CEP170: variants seen among roughly 807,000 people sequenced by gnomAD.
CEP170 encodes the protein centrosomal protein of 170 kDa.
CEP170 carries 21 observed loss-of-function variants against 151.9 expected under a neutral mutation model. That is an observed-to-expected ratio of 0.14 (90% CI 0.10 to 0.20). The LOEUF (loss-of-function observed/expected upper bound fraction) is 0.20, where lower values mean the gene tolerates loss of function less well. Among genes scored for constraint, CEP170 ranks in the 10% least tolerant of loss-of-function variants. The pLI, the probability that CEP170 is intolerant of heterozygous loss-of-function variation, is 1.00. For missense variants in CEP170, 964 were observed against 1,892.9 expected (o/e 0.51, Z 9.11); for synonymous variants, 356 against 648.8 (o/e 0.55, Z 6.86).
At chr1:243,147,353 T>G (rs1325724223) in intron 14 of CEP170, among the ~76,000 whole-genome samples, 1 of 152,264 alleles carries the variant, frequency 6.6e-6, no homozygotes, top group Non-Finnish European at 1.5e-5. Context: ...GATATCTTCT[T>G]TCTTTTTTAT....
intron 1 of CEP170, among the ~76,000 whole-genome samples, chr1:243,232,019 A>C (rs1275957635): frequency 6.6e-6 from 1 of 151,882 alleles, no homozygotes; most frequent in Non-Finnish European, 1.5e-5. Flanking sequence ...GCAGGAGTTC[A>C]GTGGCAAGAT....
At chr1:243,252,943 A>G (rs751259956) in intron 1 of CEP170, among the ~76,000 whole-genome samples, 5 of 152,224 alleles carry the variant, frequency 3.3e-5, no homozygotes, top group Non-Finnish European at 7.4e-5. Context: ...AAAAGTAATC[A>G]CTAATAACTC....
chr1:243,231,080 T>C (rs2063700065), intron 1 of CEP170, among the ~76,000 whole-genome samples: 1 of 137,418 alleles, frequency 7.3e-6, no homozygotes, highest in Non-Finnish European at 1.6e-5. Context: ...AGCAGTGGGA[T>C]AGCAGTGGGA....
intron 1 of CEP170, among the ~76,000 whole-genome samples, chr1:243,248,152 A>T (rs2065599022): frequency 6.6e-6 from 1 of 152,244 alleles, no homozygotes; most frequent in South Asian, 2.1e-4. Context: ...CAGATTTAAA[A>T]AAGGAAATTG....
chr1:243,199,044 A>AC lies in CEP170; in HGVS notation c.631+15dup, dbSNP rs1264753718. The AC allele has an allele frequency of 3.8e-6, 6 of 1,566,476 alleles. No homozygotes were observed. In the Admixed American group the frequency reaches 5.1e-5, roughly 13 times the overall value. ...AAAATATCCACTTAATGTCACAGTGACTGAGATTTTTTTACCTGATGTTCC... is the reference window on the plus strand; with the variant it reads ...AAAATATCCACTTAATGTCACAGTGACCTGAGATTTTTTTACCTGATGTTCC... On this transcript the variant is annotated intron_variant, in intron 7 of 19. Transcript: ENST00000366542.
At position 243,200,882 on chromosome 1, in the gene CEP170, A is replaced by T. The variant is rs772053019; in HGVS notation, c.275-47T>A. ...TATAACCTCAAATTTCTGATAATTG[A>T]GCTAAAAATCGTCATCAAATGTAAT... is the stretch of plus-strand genomic sequence containing the variant. On this transcript the variant is annotated intron_variant, in intron 4 of 19. Coordinates refer to ENST00000366542, the MANE Select transcript of CEP170 (RefSeq NM_014812.3). 19 of 1,576,494 alleles carry T rather than the reference A, an allele frequency of 1.2e-5. No homozygotes were observed. In the South Asian group the frequency reaches 2.1e-4, roughly 18 times the overall value.
chr1:243,223,560 C>G (rs749450895), intron 2 of CEP170, among the ~76,000 whole-genome samples: 1 of 152,222 alleles, frequency 6.6e-6, no homozygotes, highest in African/African-American at 2.4e-5. Context: ...CGCCCTCCAA[C>G]TGCTTATGGT....
chr1:243,246,727 T>C (rs1318404723), intron 1 of CEP170, among the ~76,000 whole-genome samples: 3 of 152,162 alleles, frequency 2.0e-5, no homozygotes, highest in Non-Finnish European at 4.4e-5. Flanking sequence ...ATTATGATAG[T>C]ACTTAATGGT....
chr1:243,199,305 A>C, intron 6 of CEP170, 111 bp from the exon 7 acceptor site: 1 of 1,108,690 alleles, frequency 9.0e-7, no homozygotes, highest in Non-Finnish European at 1.3e-6. Flanking sequence ...AGCAAAGTAT[A>C]GTCTTGATAG....
Position 243,237,812 on chromosome 1 carries a change from G to A in CEP170, c.-41-12491C>T, listed in dbSNP as rs900225379. ...CCTAGCTACTGGGGGTGGTGAGGCA[G>A]GAGAATTGCTTGAGCCTGGCAGGTG... On this transcript the variant is annotated intron_variant, in intron 1 of 19. Transcript: ENST00000366542. Among the ~76,000 whole-genome samples, 6 of 152,168 alleles carry A rather than the reference G, an allele frequency of 3.9e-5. No homozygotes were observed. In the East Asian group the frequency reaches 1.2e-3, roughly 29 times the overall value.
At chr1:243,248,547 T>G (rs2149184928) in intron 1 of CEP170, among the ~76,000 whole-genome samples, 1 of 152,310 alleles carries the variant, frequency 6.6e-6, no homozygotes, top group South Asian at 2.1e-4. Context: ...ATGTGTCCAC[T>G]TGGGCGTTTA....
chr1:243,219,961 A>C (rs2062640907), intron 3 of CEP170, among the ~76,000 whole-genome samples: 1 of 152,352 alleles, frequency 6.6e-6, no homozygotes, highest in African/African-American at 2.4e-5. Flanking sequence ...ACAAAGGCTT[A>C]TGTGTGGAGA....
intron 1 of CEP170, among the ~76,000 whole-genome samples, chr1:243,251,644 T>G (rs1224783268): frequency 6.6e-6 from 1 of 152,186 alleles, no homozygotes; most frequent in Non-Finnish European, 1.5e-5. Context: ...GGTAATATTT[T>G]CTATATCATT....
At chr1:243,221,695 A>G (rs768202608) in intron 3 of CEP170, 29 bp downstream of exon 3, 3 of 1,575,972 alleles carry the variant, frequency 1.9e-6, no homozygotes, top group Non-Finnish European at 2.6e-6. Flanking sequence ...AAATGTTCAA[A>G]CAAGACAAAA....
At position 243,125,182 on chromosome 1, in the gene CEP170, T is replaced by C. The variant is rs1299343845; in HGVS notation, c.*1267A>G. ...ACTGAATTAAGATACACCCCAATTATAGTGTTCTGGAAACACAAAGGTAAT... is the reference window on the plus strand; with the variant it reads ...ACTGAATTAAGATACACCCCAATTACAGTGTTCTGGAAACACAAAGGTAAT... On this transcript the variant is annotated 3_prime_UTR_variant, in exon 20 of 20. Transcript: ENST00000366542. The C allele has an allele frequency of 2.0e-5, 3 of 152,172 alleles. No individual in the cohort carries two copies. The highest frequency in any genetic ancestry group is 2.1e-4 in the South Asian group (1 of 4,824). 9.4% of individuals were successfully genotyped at this position (152,172 alleles called of 1,614,324 possible). A position where few individuals can be genotyped will look rare whatever the true frequency, so the allele number is the denominator to read the frequency against.
intron 7 of CEP170, among the ~76,000 whole-genome samples, chr1:243,196,681 C>T (rs1221014311): frequency 6.6e-6 from 1 of 152,000 alleles, no homozygotes; most frequent in African/African-American, 2.4e-5. Context: ...TTCTTAATCA[C>T]CTAATTGGTA....
At chr1:243,214,280 GTTTTTTTTT>G (rs758433258) in intron 3 of CEP170, among the ~76,000 whole-genome samples, 8 of 100,546 alleles carry the variant, frequency 8.0e-5, no homozygotes, top group Non-Finnish European at 1.4e-4. Context: ...AAGCTGTAAA[GTTTTTTTTT>G]TTTTTTTTTT....
intron 1 of CEP170, among the ~76,000 whole-genome samples, chr1:243,226,053 A>C (rs569415837): frequency 1.5e-4 from 2 of 13,414 alleles, no homozygotes; most frequent in Non-Finnish European, 3.6e-3. Context: ...AGATATATAT[A>C]TCTAGATATA....
chr1:243,144,804 C>T (rs2056272803), intron 14 of CEP170, among the ~76,000 whole-genome samples: 2 of 152,044 alleles, frequency 1.3e-5, no homozygotes, highest in South Asian at 4.1e-4. Context: ...CATTTAATTC[C>T]ATTTTATTAC....
Sources: allele counts gnomAD v4.1 joint callset (sites outside exome capture counted in the v4.1 genomes callset), GRCh38; gene constraint gnomAD v4.1.1; transcripts MANE v1.5; gene names NCBI Gene and HGNC (gene_info 2026-07-23, HGNC 2026-07-21).